TOP3A: variants seen among roughly 807,000 people sequenced by gnomAD.
TOP3A encodes DNA topoisomerase III alpha.
TOP3A carries 64 observed loss-of-function variants against 111.3 expected under a neutral mutation model. The observed-to-expected ratio is 0.57, with a 90% CI of 0.47 to 0.71. The LOEUF (loss-of-function observed/expected upper bound fraction) is 0.71. TOP3A is among the 30% of genes least tolerant of loss of function. The pLI, the probability that TOP3A is intolerant of heterozygous loss-of-function variation, is 0.00. For missense variants in TOP3A, 1,104 were observed against 1,285.0 expected, an observed-to-expected ratio of 0.86 and a Z score of 2.15; for synonymous variants, 484 against 485.1, an observed-to-expected ratio of 1.00 and a Z score of 0.03.
chr17:18,279,240 T>C (rs1979597886), intron 17 of TOP3A, among the ~76,000 whole-genome samples: 1 of 152,150 alleles, frequency 6.6e-6, no homozygotes, highest in Non-Finnish European at 1.5e-5. Flanking sequence ...ATGCAATGCA[T>C]TTACTAGAAA....
intron 11 of TOP3A, among the ~76,000 whole-genome samples, chr17:18,291,366 G>C (rs1239001030): frequency 6.6e-6 from 1 of 152,242 alleles, no homozygotes; most frequent in African/African-American, 2.4e-5. Context: ...CAGCAACATT[G>C]CACCTGGTGG....
Position 18,274,854 on chromosome 17 carries a change from C to G in TOP3A, c.2954G>C (p.Ser985Thr), listed in dbSNP as rs559306186. The change falls in exon 19 of 19, where the codon AGC (serine) becomes ACC (threonine). Residue 985 changes from serine (S) to threonine (T), a missense_variant. Transcript: ENST00000321105. ...GGTGTGTCCAGGCTGGTGGCAAAGG[C>G]TGCATTTCCGGGGTTTCTTTGCTGT... is the stretch of plus-strand genomic sequence containing the variant. ...GSTAKKPRKCSLCHQPGHTRP... is the reference protein window; with the variant it reads ...GSTAKKPRKCTLCHQPGHTRP... The G allele has an allele frequency of 6.2e-6, 10 of 1,614,202 alleles. No individual in the cohort carries two copies. In the Admixed American group the frequency reaches 1.5e-4, roughly 24 times the overall value.
chr17:18,296,203 G>C (rs1310614244), intron 9 of TOP3A, among the ~76,000 whole-genome samples: 1 of 152,156 alleles, frequency 6.6e-6, no homozygotes, highest in African/African-American at 2.4e-5. Flanking sequence ...CTTTTCCCTA[G>C]GTGACAAGCT....
chr17:18,301,339 T>C (rs563301332), intron 8 of TOP3A, among the ~76,000 whole-genome samples: 4 of 152,274 alleles, frequency 2.6e-5, no homozygotes, highest in East Asian at 3.9e-4. Context: ...CACATGCGTG[T>C]CCCACCCACC....
chr17:18,275,852 T>C (rs368503877), intron 18 of TOP3A, among the ~76,000 whole-genome samples: 11 of 150,582 alleles, frequency 7.3e-5, no homozygotes, highest in African/African-American at 2.7e-4. Flanking sequence ...AGACGGGGTT[T>C]CACTGTGTTA....
chr17:18,299,851 C>T (rs1981114223), intron 8 of TOP3A, among the ~76,000 whole-genome samples: 1 of 152,196 alleles, frequency 6.6e-6, no homozygotes, highest in African/African-American at 2.4e-5. Flanking sequence ...TTGTGAAGGG[C>T]AATTTCACAA....
chr17:18,306,991 C>A, intron 3 of TOP3A, 25 bp from the exon 4 acceptor site: 1 of 1,564,254 alleles, frequency 6.4e-7, no homozygotes, highest in South Asian at 1.1e-5. Flanking sequence ...AAAACAGAGT[C>A]CCAACTCAGT....
rs761518104 is a variant in TOP3A at position 18,277,849 on chromosome 17, C to G, written c.2653G>C (p.Gly885Arg). The change falls in exon 18 of 19, where the codon GGC becomes CGC. Residue 885 changes from glycine (G) to arginine (R), a missense_variant. Gly to Arg is a moderately radical substitution (Grantham distance 125). Transcript: ENST00000321105. ...CTACCACTGCCATCACCAGGGTTGCCAAACCCACCTAGGTGGATCCCTGGG... is the reference window on the plus strand; with the variant it reads ...CTACCACTGCCATCACCAGGGTTGCGAAACCCACCTAGGTGGATCCCTGGG... ...PGPGIHLGGF[G>R]NPGDGSGSGT... The G allele has an allele frequency of 8.1e-6, 13 of 1,614,122 alleles. No individual in the cohort carries two copies. The South Asian group carries it at 1.3e-4, about 16-fold the overall frequency.
chr17:18,291,623 T>C (rs1279809206), intron 11 of TOP3A, among the ~76,000 whole-genome samples: 3 of 152,240 alleles, frequency 2.0e-5, no homozygotes, highest in African/African-American at 7.2e-5. Flanking sequence ...AAATAAATTA[T>C]GGCACATCTT....
At position 18,290,844 on chromosome 17, in the gene TOP3A, T is replaced by G; in HGVS notation, c.1465A>C (p.Lys489Gln). 6.2e-7 allele frequency: 1 copy of G among 1,613,932 alleles called. No homozygotes were observed. Among genetic ancestry groups the G allele is most frequent in the South Asian group, 1.1e-5 (1 of 91,072 alleles). ...CACTGGGGACCACTCTTTATTACCT[T>G]GTCACTCCAGTGATCATATGGATAC... ...DVYPYDHWSD[K>Q]ILPVYEQGSH... Residue 489 changes from lysine to glutamine, a missense_variant and splice_region_variant, in exon 12 of 19, where the codon AAG becomes CAG. Transcript: ENST00000321105.
At chr17:18,280,480 G>A (rs1979686986) in intron 17 of TOP3A, 56 bp downstream of exon 17, 1 of 1,580,490 alleles carries the variant, frequency 6.3e-7, no homozygotes, top group East Asian at 2.3e-5. Flanking sequence ...GCAGGAGCAA[G>A]GGAAAGATGG....
At position 18,279,275 on chromosome 17, in the gene TOP3A, G is replaced by A. The variant is rs562963614; in HGVS notation, c.2145-918C>T. On this transcript the variant is annotated intron_variant, in intron 17 of 18. Coordinates refer to ENST00000321105, the MANE Select transcript of TOP3A (RefSeq NM_004618.5). Reference sequence around the variant, plus strand: ...ATAAATTATTAAAATTTTTTTTTTTGAGACAGAGTATCATTCTGTCGCCCA... The same window carrying A: ...ATAAATTATTAAAATTTTTTTTTTTAAGACAGAGTATCATTCTGTCGCCCA... 1.6e-4 allele frequency among the ~76,000 whole-genome samples: 23 copies of A among 146,970 alleles called. 1 individual carries two copies. The South Asian group carries it at 5.0e-3, about 32-fold the overall frequency.
chr17:18,296,861 T>A (rs1980839941), intron 9 of TOP3A, among the ~76,000 whole-genome samples: 1 of 152,210 alleles, frequency 6.6e-6, no homozygotes, highest in Non-Finnish European at 1.5e-5. Context: ...AGGGTGGCTC[T>A]TTCTGGGGTC....
intron 4 of TOP3A, 93 bp from the exon 5 acceptor site, chr17:18,305,313 T>C: frequency 9.6e-7 from 1 of 1,043,222 alleles, no homozygotes. Flanking sequence ...TGAAGGTTAA[T>C]GCTGCTCTTG....
At position 18,290,983 on chromosome 17, in the gene TOP3A, C is replaced by T. The variant is rs200122172; in HGVS notation, c.1326G>A (p.Leu442=). ...RLYEFIVRHF[L]ACCSQDAQGQ... ...CCTGAGCATCCTGGGAGCAGCAAGC[C>T]AGGAAATGGCGAACAATAAACTCGT... Residue 442 remains leucine, a synonymous_variant, in exon 12 of 19, where the codon CTG becomes CTA. Coordinates refer to ENST00000321105, the MANE Select transcript of TOP3A (RefSeq NM_004618.5). 7.4e-6 allele frequency: 12 copies of T among 1,614,220 alleles called. No individual in the cohort carries two copies. In the East Asian group the frequency reaches 1.8e-4, roughly 24 times the overall value.
chr17:18,288,065 T>TA (rs1980218691), intron 13 of TOP3A, among the ~76,000 whole-genome samples: 1 of 150,026 alleles, frequency 6.7e-6, no homozygotes, highest in Non-Finnish European at 1.5e-5. Context: ...GTGAATATGC[T>TA]AAAAAATGTA....
rs540301604 is a variant in TOP3A, at chr17:18,279,261, A to T, written c.2145-904T>A. On this transcript the variant is annotated intron_variant, in intron 17 of 18. Coordinates refer to ENST00000321105, the MANE Select transcript of TOP3A (RefSeq NM_004618.5). ...TGCATTTACTAGAAATAAATTATTA[A>T]AATTTTTTTTTTTGAGACAGAGTAT... is the stretch of plus-strand genomic sequence containing the variant. Among the ~76,000 whole-genome samples the T allele has an allele frequency of 1.9e-3, 282 of 152,232 alleles. 1 individual carries two copies. Among genetic ancestry groups the T allele is most frequent in the Middle Eastern group, 6.8e-3 (2 of 294 alleles).
intron 1 of TOP3A, among the ~76,000 whole-genome samples, chr17:18,314,364 A>G (rs1352053865): frequency 1.3e-5 from 2 of 152,246 alleles, no homozygotes; most frequent in Non-Finnish European, 2.9e-5. Flanking sequence ...GAACCTGCTA[A>G]GCGCAAGCAA....
Position 18,285,538 on chromosome 17 carries a change from G to A in TOP3A, c.1598-18C>T. On this transcript the variant is annotated intron_variant, in intron 13 of 18. Transcript: ENST00000321105. Reference sequence around the variant, plus strand: ...ATCCGTACCTGGAAGCCACTTGCTGGTTACTCTGAGGTAATACAGACAACA... The same window carrying A: ...ATCCGTACCTGGAAGCCACTTGCTGATTACTCTGAGGTAATACAGACAACA... 1 of 1,610,352 alleles carries A rather than the reference G, an allele frequency of 6.2e-7. No homozygotes were observed. The highest frequency in any genetic ancestry group is 1.1e-5 in the South Asian group (1 of 90,652).
Sources: allele counts gnomAD v4.1 joint callset (sites outside exome capture counted in the v4.1 genomes callset), GRCh38; gene constraint gnomAD v4.1.1; transcripts MANE v1.5; gene names NCBI Gene and HGNC (gene_info 2026-07-23, HGNC 2026-07-21).